Variants in PTPRZ1 observed in about 807,000 individuals in gnomAD.
The protein encoded by PTPRZ1 is receptor-type tyrosine-protein phosphatase zeta.
PTPRZ1 carries 82 observed loss-of-function variants against 214.1 expected under a neutral mutation model. That is an observed-to-expected ratio of 0.38 (90% CI 0.32 to 0.46). The LOEUF (loss-of-function observed/expected upper bound fraction) is 0.46, where lower values mean the gene tolerates loss of function less well. Ranked by LOEUF, PTPRZ1 falls within the 20% of genes least tolerant of loss-of-function variation. The pLI, the probability that PTPRZ1 is intolerant of heterozygous loss-of-function variation, is 1.00. For synonymous variants in PTPRZ1, 945 were observed against 987.9 expected, an observed-to-expected ratio of 0.96 and a Z score of 0.81; for missense variants, 2,603 against 2,748.7, an observed-to-expected ratio of 0.95 and a Z score of 1.19.
chr7:121,898,217 T>C (rs1207735084), intron 1 of PTPRZ1, among the ~76,000 whole-genome samples: 1 of 151,868 alleles, frequency 6.6e-6, no homozygotes, highest in Non-Finnish European at 1.5e-5. Context: ...ACTCACTGAA[T>C]TCACTTCAGA....
intron 2 of PTPRZ1, among the ~76,000 whole-genome samples, chr7:121,931,173 G>A (rs1455023018): frequency 6.6e-6 from 1 of 152,022 alleles, no homozygotes; most frequent in Non-Finnish European, 1.5e-5. Flanking sequence ...AATATCACAA[G>A]CCATCTTTTA....
intron 8 of PTPRZ1, among the ~76,000 whole-genome samples, chr7:121,992,704 A>G (rs1584720083): frequency 6.6e-6 from 1 of 151,382 alleles, no homozygotes; most frequent in Non-Finnish European, 1.5e-5. Flanking sequence ...TTTGAAAGCT[A>G]TCACAGGAAT....
At chr7:121,963,694 A>G (rs915317328) in intron 2 of PTPRZ1, among the ~76,000 whole-genome samples, 1 of 152,134 alleles carries the variant, frequency 6.6e-6, no homozygotes, top group Admixed American at 6.6e-5. Flanking sequence ...CTAGAAGGGA[A>G]AGGCCCTATT....
At chr7:121,916,272 C>CCA (rs71993362) in intron 1 of PTPRZ1, among the ~76,000 whole-genome samples, 1 of 109,756 alleles carries the variant, frequency 9.1e-6, no homozygotes, top group African/African-American at 3.3e-5. Flanking sequence ...GACTCCATCT[C>CCA]AAAAAAAAAA....
chr7:122,061,207 A>G lies in PTPRZ1; in HGVS notation c.6935A>G (p.Glu2312Gly), dbSNP rs1405920342. The change falls in exon 30 of 30, where the codon GAG becomes GGG. Residue 2312 changes from glutamate to glycine, a missense_variant. Around this residue, in one of 6 missense-constraint regions of PTPRZ1, gnomAD observed 165 missense variants for 151.4 expected, o/e 1.09. Transcript: ENST00000393386. ...GATGGAAATATAGCTGAGAGCTTAG[A>G]GTCTTTAGTTTAACACAGAAAGGGG... ...LPDGNIAESL[E>G]SLV 7 of 1,600,734 alleles carry G rather than the reference A, an allele frequency of 4.4e-6. No homozygotes were observed. Among genetic ancestry groups the G allele is most frequent in the Non-Finnish European group, 6.0e-6 (7 of 1,172,406 alleles).
In PTPRZ1 at chr7:122,053,805, A is replaced by G. The variant is rs1792263142; in HGVS notation, c.6253-105A>G. On this transcript the variant is annotated intron_variant, in intron 25 of 29. Transcript: ENST00000393386. ...TTACTACATATAGACACAATCTGCA[A>G]TTCAAAAGACTATTTTGACTTAAGG... 5.1e-6 allele frequency: 7 copies of G among 1,382,146 alleles called. No homozygotes were observed. The South Asian group carries it at 5.5e-5, about 11-fold the overall frequency. The allele number at this position is 1,382,146 out of a possible 1,614,324, so 85.6% of individuals were successfully genotyped here.
At position 122,061,210 on chromosome 7, in the gene PTPRZ1, C is replaced by T. The variant is rs764043625; in HGVS notation, c.6938C>T (p.Ser2313Phe). The T allele has an allele frequency of 6.3e-7, 1 of 1,596,698 alleles. No individual in the cohort carries two copies. Among genetic ancestry groups the T allele is most frequent in the Non-Finnish European group, 8.5e-7 (1 of 1,170,174 alleles). ...PDGNIAESLE[S>F]LV is the part of the protein sequence containing the mutation. ...GGAAATATAGCTGAGAGCTTAGAGT[C>T]TTTAGTTTAACACAGAAAGGGGTGG... Residue 2313 changes from serine to phenylalanine, a missense_variant, in exon 30 of 30, where the codon TCT (serine) becomes TTT (phenylalanine). Ser to Phe is a radical substitution (Grantham distance 155, BLOSUM62 -2). Coordinates refer to ENST00000393386, the MANE Select transcript of PTPRZ1 (RefSeq NM_002851.3).
intron 2 of PTPRZ1, among the ~76,000 whole-genome samples, chr7:121,961,537 A>AC (rs1385533684): frequency 6.6e-6 from 1 of 151,834 alleles, no homozygotes; most frequent in African/African-American, 2.4e-5. Context: ...TATTTAACAG[A>AC]CCCCCACCCT....
intron 2 of PTPRZ1, among the ~76,000 whole-genome samples, chr7:121,967,514 T>A (rs990243388): frequency 5.3e-5 from 8 of 152,206 alleles, no homozygotes; most frequent in African/African-American, 1.9e-4. Context: ...GGGCTAGGAC[T>A]AACTACCTTA....
intron 21 of PTPRZ1, among the ~76,000 whole-genome samples, chr7:122,042,017 G>A (rs907271742): frequency 8.5e-5 from 13 of 152,168 alleles, no homozygotes; most frequent in African/African-American, 2.4e-4. Context: ...ATCCCTGTCC[G>A]TGAATTCTGT....
chr7:122,042,862 A>G (rs1307576713), intron 22 of PTPRZ1, 119 bp downstream of exon 22: 2 of 1,088,574 alleles, frequency 1.8e-6, no homozygotes, highest in Admixed American at 4.5e-5. Flanking sequence ...GGGTTAGAAC[A>G]ACAGAAGTTT....
Position 122,061,240 on chromosome 7 carries a change from A to G in PTPRZ1, c.*20A>G, listed in dbSNP as rs1490470993. Reference sequence around the variant, plus strand: ...GTTTAACACAGAAAGGGGTGGGGGAACTCACATCTGAGCATTGTTTTCCTC... The same window carrying G: ...GTTTAACACAGAAAGGGGTGGGGGAGCTCACATCTGAGCATTGTTTTCCTC... On this transcript the variant is annotated 3_prime_UTR_variant, in exon 30 of 30. Coordinates refer to ENST00000393386, the MANE Select transcript of PTPRZ1 (RefSeq NM_002851.3). The G allele has an allele frequency of 6.4e-7, 1 of 1,555,388 alleles. No individual in the cohort carries two copies. The highest frequency in any genetic ancestry group is 1.2e-5 in the South Asian group (1 of 83,408).
chr7:121,993,379 C>T (rs1346170107), intron 8 of PTPRZ1, among the ~76,000 whole-genome samples: 4 of 150,656 alleles, frequency 2.7e-5, no homozygotes, highest in Admixed American at 6.6e-5. Context: ...GTGACCATCC[C>T]GGCTAACACA....
chr7:121,937,582 A>G (rs891415734), intron 2 of PTPRZ1, among the ~76,000 whole-genome samples: 3 of 152,174 alleles, frequency 2.0e-5, no homozygotes, highest in Non-Finnish European at 4.4e-5. Context: ...CTGGGGGTTC[A>G]GCAGCCGAGG....
chr7:122,005,118 ATTGT>A (rs1254591068), intron 11 of PTPRZ1, among the ~76,000 whole-genome samples: 1 of 151,998 alleles, frequency 6.6e-6, no homozygotes, highest in African/African-American at 2.4e-5. Flanking sequence ...GCCCATTTAA[ATTGT>A]TTATTATTTA....
chr7:121,873,683 ACTGGGCTCCCACGGAGCGGG>A, intron 1 of PTPRZ1, 126 bp downstream of exon 1: 1 of 1,191,098 alleles, frequency 8.4e-7, no homozygotes, highest in Non-Finnish European at 1.2e-6. Context: ...GGGACAGCCA[ACTGGGCTCCCACGGAGCGGG>A]CGGCCGCGCG....
At chr7:121,999,530 C>A (rs1305121527) in intron 10 of PTPRZ1, among the ~76,000 whole-genome samples, 1 of 152,118 alleles carries the variant, frequency 6.6e-6, no homozygotes, top group African/African-American at 2.4e-5. Flanking sequence ...TTTATTTATG[C>A]ATTTTGAGTA....
chr7:121,924,611 A>G (rs1795703333), intron 1 of PTPRZ1, among the ~76,000 whole-genome samples: 1 of 152,226 alleles, frequency 6.6e-6, no homozygotes, highest in African/African-American at 2.4e-5. Context: ...TCTACAAGGA[A>G]AGCTAAAATT....
intron 2 of PTPRZ1, among the ~76,000 whole-genome samples, chr7:121,955,106 G>C (rs1479677544): frequency 6.6e-6 from 1 of 152,238 alleles, no homozygotes; most frequent in African/African-American, 2.4e-5. Context: ...GGTTGCCACT[G>C]TGTCTCAGAC....
Sources: allele counts gnomAD v4.1 joint callset (sites outside exome capture counted in the v4.1 genomes callset), GRCh38; gene constraint gnomAD v4.1.1; regional missense constraint gnomAD v4.1.1; transcripts MANE v1.5; gene names NCBI Gene and HGNC (gene_info 2026-07-23, HGNC 2026-07-21).